ARPC5L: variants seen among roughly 807,000 people sequenced by gnomAD.
ARPC5L encodes actin related protein 2/3 complex subunit 5 like.
In ARPC5L, 4 loss-of-function variants were observed where a neutral mutation model predicts 16.9. The observed-to-expected ratio is 0.24, with a 90% CI of 0.12 to 0.54. The LOEUF is 0.54. ARPC5L is among the 20% of genes least tolerant of loss of function. The pLI, the probability that ARPC5L is intolerant of heterozygous loss-of-function variation, is 0.95. For synonymous variants in ARPC5L, 78 were observed against 82.6 expected (o/e 0.94, Z 0.30); for missense variants, 151 against 201.9 (o/e 0.75, Z 1.53).
intron 1 of ARPC5L, among the ~76,000 whole-genome samples, chr9:124,863,090 G>A (rs1462957107): frequency 2.0e-5 from 3 of 151,694 alleles, no homozygotes; most frequent in African/African-American, 4.8e-5. Flanking sequence ...CGGCCTCCCA[G>A]AGTGCCTAGG....
At position 124,872,143 on chromosome 9, in the gene ARPC5L, T is replaced by C. The variant is rs575111107; in HGVS notation, c.150-1549T>C. Reference sequence around the variant, plus strand: ...AGTTAACGCCACAGCAGTAGCTTTTTGCCCCCGTGGACTAGTTTTATACCT... The same window carrying C: ...AGTTAACGCCACAGCAGTAGCTTTTCGCCCCCGTGGACTAGTTTTATACCT... On this transcript the variant is annotated intron_variant, in intron 3 of 5. Transcript: ENST00000353214. Among the ~76,000 whole-genome samples, 8 of 152,312 alleles carry C rather than the reference T, an allele frequency of 5.3e-5. 1 individual carries two copies. The highest frequency in any genetic ancestry group is 1.9e-4 in the African/African-American group (8 of 41,566).
intron 5 of ARPC5L, among the ~76,000 whole-genome samples, chr9:124,875,460 A>G (rs1424199292): frequency 1.3e-5 from 2 of 152,170 alleles, no homozygotes; most frequent in Non-Finnish European, 2.9e-5. Context: ...CAGGGAGTCT[A>G]GGTAGGAAGG....
intron 3 of ARPC5L, among the ~76,000 whole-genome samples, chr9:124,869,699 C>T (rs1261196875): frequency 6.6e-6 from 1 of 152,234 alleles, no homozygotes; most frequent in Non-Finnish European, 1.5e-5. Flanking sequence ...TGGACGGGCT[C>T]CCTCGGCACC....
intron 1 of ARPC5L, among the ~76,000 whole-genome samples, chr9:124,862,823 G>T (rs1244778378): frequency 1.3e-5 from 2 of 151,932 alleles, no homozygotes; most frequent in African/African-American, 2.4e-5. Context: ...ACCACGCCTG[G>T]CCCCAGCCTT....
At position 124,873,607 on chromosome 9, in the gene ARPC5L, G is replaced by C. The variant is rs938150260; in HGVS notation, c.150-85G>C. The C allele has an allele frequency of 8.7e-5, 129 of 1,487,662 alleles. 1 individual carries two copies. The Middle Eastern group carries it at 1.7e-3, about 20-fold the overall frequency. 92.2% of individuals were successfully genotyped at this position (1,487,662 alleles called of 1,614,324 possible). ...TATGGATGAGATCCCATCTGACTCT[G>C]TTCCTGAGCTGTTTCTGAAGTGAGC... On this transcript the variant is annotated intron_variant, in intron 3 of 5. Coordinates refer to ENST00000353214, the MANE Select transcript of ARPC5L (RefSeq NM_030978.3).
chr9:124,875,200 G>T, intron 5 of ARPC5L, 49 bp downstream of exon 5: 6 of 1,586,724 alleles, frequency 3.8e-6, no homozygotes, highest in South Asian at 1.1e-5. Flanking sequence ...GCTTGCCTTG[G>T]GGTTCGATCA....
chr9:124,862,157 G>T lies in ARPC5L; in HGVS notation c.-1225G>T, dbSNP rs542620229. The T allele has an allele frequency of 2.1e-6, 1 of 473,972 alleles. No homozygotes were observed. The highest frequency in any genetic ancestry group is 3.8e-5 in the South Asian group (1 of 26,072). 29.4% of individuals were successfully genotyped at this position (473,972 alleles called of 1,614,324 possible). A position where few individuals can be genotyped will look rare whatever the true frequency, so the allele number is the denominator to read the frequency against. ...TCACGGCACCCCTGATAGCGAGGTC[G>T]GCGTCACGGTGTAGGCGCGCAGTTG... is the stretch of plus-strand genomic sequence containing the variant. On this transcript the variant is annotated 5_prime_UTR_variant, in exon 1 of 6. Coordinates refer to ENST00000353214, the MANE Select transcript of ARPC5L (RefSeq NM_030978.3).
At chr9:124,873,025 C>T (rs1305603648) in intron 3 of ARPC5L, 2 of 152,262 alleles carry the variant, frequency 1.3e-5, no homozygotes, top group African/African-American at 2.4e-5. Context: ...CTTTGGGGAC[C>T]TAACCCAGAT....
At chr9:124,876,717 G>C (rs769422063) in intron 5 of ARPC5L, among the ~76,000 whole-genome samples, 161 bp from the exon 6 acceptor site, 12 of 152,174 alleles carry the variant, frequency 7.9e-5, no homozygotes, top group African/African-American at 2.9e-4. Flanking sequence ...ACGGCTCCAG[G>C]ACAGGGCTCC....
At chr9:124,864,743 A>T (rs1829247331) in intron 2 of ARPC5L, among the ~76,000 whole-genome samples, 1 of 151,662 alleles carries the variant, frequency 6.6e-6, no homozygotes, top group South Asian at 2.1e-4. Context: ...ACCTCAAGAG[A>T]TCCGCCTGCC....
intron 2 of ARPC5L, among the ~76,000 whole-genome samples, chr9:124,864,702 G>A (rs370048783): frequency 1.1e-4 from 16 of 151,888 alleles, no homozygotes; most frequent in African/African-American, 2.9e-4. Flanking sequence ...TTGTAGGGAC[G>A]GGGTTTCGCC....
chr9:124,868,324 AG>A (rs1442145799), intron 2 of ARPC5L, 103 bp from the exon 3 acceptor site: 1 of 152,208 alleles, frequency 6.6e-6, no homozygotes, highest in African/African-American at 2.4e-5. Context: ...ACTTACCCTA[AG>A]GCTAAGATCA....
chr9:124,873,381 T>TA (rs1355580812), intron 3 of ARPC5L: 4 of 386,682 alleles, frequency 1.0e-5, no homozygotes, highest in African/African-American at 6.2e-5. Context: ...GTAGGGGAGA[T>TA]ACAGTGCTCA....
At chr9:124,874,722 T>G (rs1432067630) in intron 4 of ARPC5L, among the ~76,000 whole-genome samples, 1 of 151,624 alleles carries the variant, frequency 6.6e-6, no homozygotes, top group Admixed American at 6.6e-5. Context: ...TCTCTCTCTC[T>G]CTCTCAGAGT....
At chr9:124,876,696 C>G (rs559741802) in intron 5 of ARPC5L, among the ~76,000 whole-genome samples, 182 bp from the exon 6 acceptor site, 1 of 152,176 alleles carries the variant, frequency 6.6e-6, no homozygotes, top group East Asian at 1.9e-4. Context: ...GCCAACAGCT[C>G]TCGGGACCCC....
chr9:124,875,234 A>ACG, intron 5 of ARPC5L, 83 bp downstream of exon 5: 2 of 1,484,358 alleles, frequency 1.3e-6, no homozygotes, highest in Non-Finnish European at 1.8e-6. Context: ...TCCAGAACAA[A>ACG]CGTAGGACGG....
rs532952400 is a variant in ARPC5L, at chr9:124,869,148, C to A, written c.-143C>A. Reference sequence around the variant, plus strand: ...GGTGCCGGAAGTGGGCGGGCGGCGGCGGCTGCGCGCGGAGGCGGTGGAGGA... The same window carrying A: ...GGTGCCGGAAGTGGGCGGGCGGCGGAGGCTGCGCGCGGAGGCGGTGGAGGA... On this transcript the variant is annotated 5_prime_UTR_variant, in exon 3 of 6. Coordinates refer to ENST00000353214, the MANE Select transcript of ARPC5L (RefSeq NM_030978.3). 15 of 1,001,970 alleles carry A rather than the reference C, an allele frequency of 1.5e-5. No individual in the cohort carries two copies. The highest frequency in any genetic ancestry group is 1.7e-5 in the African/African-American group (1 of 59,008). 62.1% of individuals were successfully genotyped at this position (1,001,970 alleles called of 1,614,324 possible). A position where few individuals can be genotyped will look rare whatever the true frequency, so the allele number is the denominator to read the frequency against.
At chr9:124,873,660 A>G (rs757489021) in intron 3 of ARPC5L, 32 bp from the exon 4 acceptor site, 2 of 1,613,272 alleles carry the variant, frequency 1.2e-6, no homozygotes, top group South Asian at 1.1e-5. Flanking sequence ...GATGTGCTTG[A>G]GCCTAGCTAT....
intron 5 of ARPC5L, among the ~76,000 whole-genome samples, chr9:124,875,376 C>G (rs149843461): frequency 1.3e-5 from 2 of 152,072 alleles, no homozygotes; most frequent in Non-Finnish European, 2.9e-5. Context: ...TTTTAGCTGC[C>G]GATTTATGTC....
Sources: allele counts gnomAD v4.1 joint callset (sites outside exome capture counted in the v4.1 genomes callset), GRCh38; gene constraint gnomAD v4.1.1; transcripts MANE v1.5; gene names NCBI Gene and HGNC (gene_info 2026-07-23, HGNC 2026-07-21).